IL22RA1: variants seen among roughly 807,000 people sequenced by gnomAD.
IL22RA1 encodes interleukin 22 receptor subunit alpha 1, also known as interleukin-22 receptor subunit alpha-1.
In IL22RA1, 25 loss-of-function variants were observed where a neutral mutation model predicts 32.8. That is an observed-to-expected ratio of 0.76 (90% confidence interval 0.55 to 1.06). The LOEUF (loss-of-function observed/expected upper bound fraction) is 1.06. IL22RA1 is among the 50% of genes least tolerant of loss of function. IL22RA1 has a pLI of 0.00. For missense variants in IL22RA1, 709 were observed against 727.4 expected (o/e 0.97, Z 0.29); for synonymous variants, 305 against 305.0 (o/e 1.00, Z 0.00).
chr1:24,123,585 T>C (rs1644141614), intron 5 of IL22RA1, 162 bp from the exon 6 acceptor site: 2 of 1,400,590 alleles, frequency 1.4e-6, no homozygotes, highest in South Asian at 3.0e-5. Context: ...GTCCATATAC[T>C]GTACATCTAA....
At position 24,121,571 on chromosome 1, in the gene IL22RA1, C is replaced by A; in HGVS notation, c.959G>T (p.Ser320Ile). Reference protein sequence around the residue: ...REPAGAPQRHSLSEITYLGQP... With the variant: ...REPAGAPQRHILSEITYLGQP... ...CCCTAAGTAGGTGATCTCGGACAGG[C>A]TATGCCGCTGTGGAGCTCCTGCGGG... Residue 320 changes from serine to isoleucine, a missense_variant, in exon 7 of 7, where the codon AGC becomes ATC. Coordinates refer to ENST00000270800, the MANE Select transcript of IL22RA1 (RefSeq NM_021258.4). 1.2e-6 allele frequency: 2 copies of A among 1,611,684 alleles called. No individual in the cohort carries two copies. The highest frequency in any genetic ancestry group is 1.7e-6 in the Non-Finnish European group (2 of 1,178,434).
In IL22RA1 at chr1:24,121,111, G is replaced by C; in HGVS notation, c.1419C>G (p.Asp473Glu). 6.2e-7 allele frequency: 1 copy of C among 1,614,186 alleles called. No individual in the cohort carries two copies. The highest frequency in any genetic ancestry group is 8.5e-7 in the Non-Finnish European group (1 of 1,180,024). ...SLHQPLGICT[D>E]RTSDPNVLHS... ...GTAGCACATTTGGGTCAGATGTTCTGTCTGTGCAAATCCCCAGGGGCTGGT... is the reference window on the plus strand; with the variant it reads ...GTAGCACATTTGGGTCAGATGTTCTCTCTGTGCAAATCCCCAGGGGCTGGT... The change falls in exon 7 of 7, where the codon GAC (aspartate) becomes GAG (glutamate). Residue 473 changes from aspartate (D) to glutamate (E), a missense_variant. By Grantham distance (45) the Asp-to-Glu change is conservative. Coordinates refer to ENST00000270800, the MANE Select transcript of IL22RA1 (RefSeq NM_021258.4).
intron 4 of IL22RA1, among the ~76,000 whole-genome samples, chr1:24,130,017 C>A (rs926424485): frequency 7.2e-5 from 11 of 152,182 alleles, no homozygotes; most frequent in African/African-American, 2.4e-4. Context: ...CATATTTGAT[C>A]TTTCTTCATT....
In IL22RA1 at chr1:24,121,246, T is replaced by C; in HGVS notation, c.1284A>G (p.Lys428=). The C allele has an allele frequency of 6.2e-7, 1 of 1,614,186 alleles. No homozygotes were observed. The highest frequency in any genetic ancestry group is 8.5e-7 in the Non-Finnish European group (1 of 1,180,024). The part of the protein sequence containing the change: ...TLSSPKHLRP[K]GQLQKEPPAG... The stretch of plus-strand genomic sequence containing the variant: ...CTGGTGGCTCTTTCTGAAGCTGACC[T>C]TTAGGCCTAAGGTGTTTAGGACTAG... Residue 428 remains lysine, a synonymous_variant, in exon 7 of 7, where the codon AAA becomes AAG. Coordinates refer to ENST00000270800, the MANE Select transcript of IL22RA1 (RefSeq NM_021258.4).
chr1:24,136,056 G>C (rs1035008105), intron 3 of IL22RA1, among the ~76,000 whole-genome samples: 3 of 152,286 alleles, frequency 2.0e-5, no homozygotes, highest in African/African-American at 7.2e-5. Flanking sequence ...CTGGGTTCAA[G>C]CTACCCTCCC....
intron 3 of IL22RA1, among the ~76,000 whole-genome samples, chr1:24,135,807 G>A (rs534734476): frequency 6.6e-6 from 1 of 152,278 alleles, no homozygotes; most frequent in East Asian, 1.9e-4. Context: ...ATAGCATGGG[G>A]GGAACCGTCC....
Position 24,138,674 on chromosome 1 carries a change from C to T in IL22RA1, c.84G>A (p.Val28=). The change falls in exon 2 of 7, where the codon GTG becomes GTA. Residue 28 remains valine, a synonymous_variant. Transcript: ENST00000270800. ...TTTCAAAGTTGCTGGACTGGAATTT[C>T]ACGTGCTGGAGCAGATCCGAGGGGT... ...PEDPSDLLQH[V]KFQSSNFENI... The T allele has an allele frequency of 1.2e-6, 2 of 1,614,206 alleles. No individual in the cohort carries two copies. The highest frequency in any genetic ancestry group is 1.7e-6 in the Non-Finnish European group (2 of 1,180,028).
chr1:24,129,002 C>T (rs1213904809), intron 4 of IL22RA1, among the ~76,000 whole-genome samples: 2 of 152,170 alleles, frequency 1.3e-5, no homozygotes, highest in African/African-American at 4.8e-5. Context: ...ACCTGCCACT[C>T]GGGTAAACAC....
chr1:24,128,010 A>G (rs1644176682), intron 5 of IL22RA1, 131 bp downstream of exon 5: 3 of 892,978 alleles, frequency 3.4e-6, no homozygotes, highest in Non-Finnish European at 4.8e-6. Flanking sequence ...ATTGACTTCA[A>G]TAACACACTG....
At position 24,134,288 on chromosome 1, in the gene IL22RA1, G is replaced by A; in HGVS notation, c.454C>T (p.His152Tyr). The change falls in exon 4 of 7, where the codon CAC becomes TAC. Residue 152 changes from histidine to tyrosine, a missense_variant. Transcript: ENST00000270800. ...AAGATGTCTTCCAGGGTTAGCCGGT[G>A]GCCATCGCCTGCACGGATTGGCGTG... The part of the protein sequence containing the change: ...TPTPIRAGDG[H>Y]RLTLEDIFHD... 1 of 1,610,518 alleles carries A rather than the reference G, an allele frequency of 6.2e-7. No individual in the cohort carries two copies.
At chr1:24,125,080 C>T (rs1056905073) in intron 5 of IL22RA1, among the ~76,000 whole-genome samples, 5 of 152,314 alleles carry the variant, frequency 3.3e-5, no homozygotes, top group East Asian at 1.9e-4. Context: ...TCCTGCTGCA[C>T]GACCCTCTCT....
intron 3 of IL22RA1, among the ~76,000 whole-genome samples, 166 bp downstream of exon 3, chr1:24,136,965 G>T (rs1216220822): frequency 1.3e-5 from 2 of 152,026 alleles, no homozygotes; most frequent in African/African-American, 4.8e-5. Context: ...TGTAATTGGT[G>T]GGGGTGGGGG....
At position 24,130,340 on chromosome 1, in the gene IL22RA1, C is replaced by T. The variant is rs1205151975; in HGVS notation, c.532-2061G>A. Among the ~76,000 whole-genome samples the T allele has an allele frequency of 5.9e-5, 9 of 152,204 alleles. No homozygotes were observed. The East Asian group carries it at 1.7e-3, about 29-fold the overall frequency. ...AGCTGGAAAATGAGGGGAGAAAGCA[C>T]AGACAGGGGAGAGTGTAGAGAAGGA... On this transcript the variant is annotated intron_variant, in intron 4 of 6. Transcript: ENST00000270800.
chr1:24,142,359 A>G (rs1644287373), intron 1 of IL22RA1, among the ~76,000 whole-genome samples: 1 of 152,242 alleles, frequency 6.6e-6, no homozygotes. Context: ...GCAATGCACC[A>G]GGAGAGCAGA....
chr1:24,129,307 G>A (rs1050103674), intron 4 of IL22RA1, among the ~76,000 whole-genome samples: 1 of 152,152 alleles, frequency 6.6e-6, no homozygotes, highest in African/African-American at 2.4e-5. Flanking sequence ...TGTGAGCACC[G>A]ATGTGTGGAT....
Position 24,122,222 on chromosome 1 carries a change from G to A in IL22RA1, c.793-485C>T, listed in dbSNP as rs563822906. Among the ~76,000 whole-genome samples, 476 of 152,260 alleles carry A rather than the reference G, an allele frequency of 3.1e-3. 1 individual carries two copies. Among genetic ancestry groups the A allele is most frequent in the African/African-American group, 9.9e-3 (412 of 41,552 alleles). Reference sequence around the variant, plus strand: ...TCCCTCAGAGCTCCTCTGTCCCTCCGATGGGCAAGAGCAGGCTCCGGGTGC... The same window carrying A: ...TCCCTCAGAGCTCCTCTGTCCCTCCAATGGGCAAGAGCAGGCTCCGGGTGC... On this transcript the variant is annotated intron_variant, in intron 6 of 6. Coordinates refer to ENST00000270800, the MANE Select transcript of IL22RA1 (RefSeq NM_021258.4).
At position 24,122,087 on chromosome 1, in the gene IL22RA1, C is replaced by T. The variant is rs189979132; in HGVS notation, c.793-350G>A. ...GTGGCCCGCATTGTTGCTTGGCCCA[C>T]GGGTCCCTGAGGGCCTAATACAGGG... On this transcript the variant is annotated intron_variant, in intron 6 of 6. Transcript: ENST00000270800. Among the ~76,000 whole-genome samples the T allele has an allele frequency of 2.8e-4, 42 of 152,236 alleles. No individual in the cohort carries two copies. The East Asian group carries it at 7.5e-3, about 27-fold the overall frequency.
At chr1:24,134,499 G>T in intron 3 of IL22RA1, 113 bp from the exon 4 acceptor site, 1 of 709,794 alleles carries the variant, frequency 1.4e-6, no homozygotes. Context: ...CCACTCCAGT[G>T]CCAGCTATGC....
At position 24,120,665 on chromosome 1, in the gene IL22RA1, C is replaced by A. The variant is rs1644113387; in HGVS notation, c.*140G>T. ...GCACCCATGGCAGGGGCCCTGCATG[C>A]CACTCCCTCTGCTTCTCTCAAGGGC... is the stretch of plus-strand genomic sequence containing the variant. On this transcript the variant is annotated 3_prime_UTR_variant, in exon 7 of 7. Coordinates refer to ENST00000270800, the MANE Select transcript of IL22RA1 (RefSeq NM_021258.4). The A allele has an allele frequency of 3.8e-6, 3 of 782,968 alleles. No homozygotes were observed. Among genetic ancestry groups the A allele is most frequent in the Admixed American group, 5.7e-5 (2 of 35,342 alleles). 48.5% of individuals were successfully genotyped at this position (782,968 alleles called of 1,614,324 possible).
Sources: gnomAD v4.1 joint callset for allele counts (sites outside exome capture counted in the v4.1 genomes callset) on GRCh38, gnomAD v4.1.1 for gene constraint, MANE v1.5 for transcripts, NCBI Gene and HGNC (gene_info 2026-07-23, HGNC 2026-07-21) for gene names.